GABRB1: variants seen among roughly 807,000 people sequenced by gnomAD.
GABRB1 encodes gamma-aminobutyric acid receptor subunit beta-1.
A neutral mutation model predicts 51.6 loss-of-function variants in GABRB1; 17 were observed. The ratio of observed to expected loss-of-function variants is 0.33; its 90% CI spans 0.23 to 0.49. The LOEUF is 0.49. GABRB1 is among the 20% of genes least tolerant of loss of function. The pLI is 0.99. For missense variants in GABRB1, 410 were observed against 600.6 expected (o/e 0.68, Z 3.32); for synonymous variants, 247 against 218.9 (o/e 1.13, Z -1.14).
chr4:47,128,045 T>C (rs1716241201), intron 3 of GABRB1, among the ~76,000 whole-genome samples: 1 of 151,688 alleles, frequency 6.6e-6, no homozygotes, highest in South Asian at 2.1e-4. Context: ...AAACTATATA[T>C]GAATATTCCA....
intron 5 of GABRB1, among the ~76,000 whole-genome samples, chr4:47,381,320 G>T (rs921810355): frequency 6.6e-6 from 1 of 152,124 alleles, no homozygotes; most frequent in Non-Finnish European, 1.5e-5. Flanking sequence ...CATTTTGTGG[G>T]TGTCAACTCA....
At chr4:47,398,631 A>T (rs546103706) in intron 5 of GABRB1, among the ~76,000 whole-genome samples, 1 of 152,228 alleles carries the variant, frequency 6.6e-6, no homozygotes, top group Admixed American at 6.5e-5. Flanking sequence ...GTCGCCCAGG[A>T]TGGAGTGCAG....
intron 1 of GABRB1, among the ~76,000 whole-genome samples, chr4:47,002,993 T>C (rs766441842): frequency 7.9e-5 from 12 of 152,228 alleles, no homozygotes; most frequent in Admixed American, 1.3e-4. Flanking sequence ...AAGTTATTTA[T>C]TGGAAACAGT....
intron 4 of GABRB1, among the ~76,000 whole-genome samples, chr4:47,297,405 A>AC (rs142298666): frequency 7.3e-5 from 2 of 27,238 alleles, no homozygotes; most frequent in African/African-American, 1.6e-4. Context: ...AAATAGACAC[A>AC]AAAAAAATGA....
chr4:47,249,648 C>T (rs1222708842), intron 4 of GABRB1, among the ~76,000 whole-genome samples: 1 of 152,086 alleles, frequency 6.6e-6, no homozygotes, highest in Non-Finnish European at 1.5e-5. Flanking sequence ...TGATATTTTC[C>T]TGTTGGACAA....
chr4:47,133,547 A>G (rs1174000411), intron 3 of GABRB1, among the ~76,000 whole-genome samples: 1 of 152,200 alleles, frequency 6.6e-6, no homozygotes. Context: ...GACACATGGC[A>G]GCAGTGATCT....
At chr4:47,369,708 T>G (rs1190116284) in intron 5 of GABRB1, among the ~76,000 whole-genome samples, 1 of 152,174 alleles carries the variant, frequency 6.6e-6, no homozygotes, top group African/African-American at 2.4e-5. Flanking sequence ...CAAATTTCCT[T>G]GCAATTCTGA....
At chr4:47,336,770 T>C (rs543596437) in intron 5 of GABRB1, among the ~76,000 whole-genome samples, 1 of 152,248 alleles carries the variant, frequency 6.6e-6, no homozygotes, top group African/African-American at 2.4e-5. Flanking sequence ...ATGGAGTGGA[T>C]GGAAGCTAGA....
chr4:47,178,932 A>G (rs1166715840), intron 4 of GABRB1, among the ~76,000 whole-genome samples: 2 of 152,078 alleles, frequency 1.3e-5, no homozygotes, highest in Non-Finnish European at 2.9e-5. Flanking sequence ...GAAATGTAAC[A>G]TGTTAGTACA....
intron 5 of GABRB1, among the ~76,000 whole-genome samples, chr4:47,389,523 T>C (rs933574519): frequency 1.3e-5 from 2 of 152,218 alleles, no homozygotes; most frequent in African/African-American, 4.8e-5. Flanking sequence ...TGGATGACCA[T>C]TCAAACAGTG....
chr4:47,228,843 G>A (rs370991675), intron 4 of GABRB1, among the ~76,000 whole-genome samples: 12 of 152,100 alleles, frequency 7.9e-5, no homozygotes, highest in African/African-American at 2.9e-4. Flanking sequence ...TCACTTAACT[G>A]AAGAGCAATT....
At chr4:47,259,100 C>CAA (rs112077395) in intron 4 of GABRB1, among the ~76,000 whole-genome samples, 177 of 152,232 alleles carry the variant, frequency 1.2e-3, no homozygotes, top group African/African-American at 3.9e-3. Context: ...CTAGTCCCCA[C>CAA]AGCCAAATTG....
intron 8 of GABRB1, among the ~76,000 whole-genome samples, chr4:47,420,505 T>A (rs932636486): frequency 6.6e-6 from 1 of 152,188 alleles, no homozygotes; most frequent in African/African-American, 2.4e-5. Flanking sequence ...CAATTTTAAT[T>A]TGCCTCACTT....
chr4:47,183,345 CATATATATATAT>C lies in GABRB1; in HGVS notation c.461+21901_461+21912del, dbSNP rs57840134. ...AACATCTTATCTGTATGTGTGTGTG[CATATATATATAT>C]ATATATATATATATATATATATATT... On this transcript the variant is annotated intron_variant, in intron 4 of 8. Transcript: ENST00000295454. Among the ~76,000 whole-genome samples, 373 of 124,432 alleles carry C rather than the reference CATATATATATAT, an allele frequency of 3.0e-3. 9 individuals carry two copies. The highest frequency in any genetic ancestry group is 3.1e-3 in the South Asian group (11 of 3,534). 81.6% of individuals were successfully genotyped at this position (124,432 alleles called of 152,430 possible).
intron 3 of GABRB1, among the ~76,000 whole-genome samples, chr4:47,080,418 A>T (rs999030202): frequency 1.3e-5 from 2 of 152,152 alleles, no homozygotes; most frequent in Non-Finnish European, 2.9e-5. Context: ...TACTATTGTC[A>T]GTTTTTAATG....
At chr4:47,250,527 A>C (rs956497022) in intron 4 of GABRB1, among the ~76,000 whole-genome samples, 5 of 152,154 alleles carry the variant, frequency 3.3e-5, no homozygotes, top group Non-Finnish European at 5.9e-5. Context: ...GTTTTCCTCA[A>C]TTATTCTCCC....
intron 5 of GABRB1, among the ~76,000 whole-genome samples, chr4:47,347,866 G>GGTAAAAAT (rs1182123114): frequency 2.0e-5 from 3 of 152,080 alleles, no homozygotes; most frequent in African/African-American, 7.2e-5. Flanking sequence ...CAGACAACAG[G>GGTAAAAAT]GTAAAAATGT....
chr4:47,412,255 G>T (rs1728782319), intron 8 of GABRB1, among the ~76,000 whole-genome samples: 1 of 152,124 alleles, frequency 6.6e-6, no homozygotes, highest in East Asian at 1.9e-4. Context: ...TTCCTCAGTA[G>T]CTAAAATGTA....
At chr4:47,369,565 A>C (rs1386221190) in intron 5 of GABRB1, among the ~76,000 whole-genome samples, 8 of 152,156 alleles carry the variant, frequency 5.3e-5, no homozygotes, top group Non-Finnish European at 1.5e-5. Flanking sequence ...GGGCAAATCT[A>C]TCCATATCCT....
Sources: allele counts gnomAD v4.1 joint callset (sites outside exome capture counted in the v4.1 genomes callset), GRCh38; gene constraint gnomAD v4.1.1; transcripts MANE v1.5; gene names NCBI Gene and HGNC (gene_info 2026-07-23, HGNC 2026-07-21).